CPD: variants seen among roughly 807,000 people sequenced by gnomAD.
The protein encoded by CPD is metallocarboxypeptidase D.
In CPD, 69 loss-of-function variants were observed where a neutral mutation model predicts 138.3. That is an observed-to-expected ratio of 0.50 (90% CI 0.41 to 0.61). The LOEUF is 0.61. Ranked by LOEUF, CPD falls within the 20% of genes least tolerant of loss-of-function variation. The pLI is 0.00. For synonymous variants in CPD, 651 were observed against 642.1 expected (o/e 1.01, Z -0.21); for missense variants, 1,432 against 1,733.3 (o/e 0.83, Z 3.09).
At chr17:30,424,192 G>A (rs1449120589) in intron 6 of CPD, among the ~76,000 whole-genome samples, 2 of 152,162 alleles carry the variant, frequency 1.3e-5, no homozygotes, top group East Asian at 3.8e-4. Context: ...GAAATCGGGC[G>A]AGGGTTGAAA....
intron 14 of CPD, among the ~76,000 whole-genome samples, chr17:30,453,764 A>G (rs770935137): frequency 2.0e-5 from 3 of 152,230 alleles, no homozygotes; most frequent in South Asian, 2.1e-4. Flanking sequence ...TGGACATCCA[A>G]GCTTTTCCAT....
intron 12 of CPD, among the ~76,000 whole-genome samples, chr17:30,447,933 A>C (rs1431808669): frequency 6.6e-6 from 1 of 152,150 alleles, no homozygotes; most frequent in African/African-American, 2.4e-5. Flanking sequence ...TTTTGCCTTG[A>C]GCATATAGTT....
chr17:30,402,245 T>C (rs576759611), intron 2 of CPD, among the ~76,000 whole-genome samples: 3 of 152,300 alleles, frequency 2.0e-5, no homozygotes, highest in African/African-American at 7.2e-5. Context: ...TTGGTATCTT[T>C]CTTTTACTTT....
In CPD at chr17:30,394,116, C is replaced by CTTT. The variant is rs35779169; in HGVS notation, c.994+8907_994+8909dup. ...TATGATTGCACCACTGCACTCCAGC[C>CTTT]TTTTTTTTTTTTTTTTTTTTTTTTT... On this transcript the variant is annotated intron_variant, in intron 2 of 20. Transcript: ENST00000225719. Among the ~76,000 whole-genome samples, 11 of 40,834 alleles carry CTTT rather than the reference C, an allele frequency of 2.7e-4. 2 individuals are homozygous for CTTT. Among genetic ancestry groups the CTTT allele is most frequent in the African/African-American group, 6.4e-4 (6 of 9,346 alleles). The allele number at this position is 40,834 out of a possible 152,430, so 26.8% of individuals were successfully genotyped here. A position where few individuals can be genotyped will look rare whatever the true frequency, so the allele number is the denominator to read the frequency against.
intron 1 of CPD, 96 bp from the exon 2 acceptor site, chr17:30,384,893 T>C (rs1911138848): frequency 2.2e-6 from 3 of 1,367,884 alleles, no homozygotes; most frequent in Middle Eastern, 2.2e-4. Context: ...AAGAGAGATA[T>C]TGGAGTTTAT....
At position 30,421,848 on chromosome 17, in the gene CPD, T is replaced by C; in HGVS notation, c.1307+15T>C. ...GTTTTAACTGGGTAAGAATTTAAAC[T>C]ATGTAGACTCTTAGTTAAAATGTCA... On this transcript the variant is annotated intron_variant, in intron 4 of 20. Transcript: ENST00000225719. 1.3e-6 allele frequency: 2 copies of C among 1,577,104 alleles called. No individual in the cohort carries two copies. The highest frequency in any genetic ancestry group is 8.7e-7 in the Non-Finnish European group (1 of 1,147,902).
intron 9 of CPD, among the ~76,000 whole-genome samples, chr17:30,441,992 G>A (rs942084838): frequency 6.6e-6 from 1 of 151,536 alleles, no homozygotes; most frequent in Non-Finnish European, 1.5e-5. Flanking sequence ...AATGGTACCA[G>A]TTCCTCCTTG....
intron 1 of CPD, among the ~76,000 whole-genome samples, chr17:30,383,425 G>T (rs1447907029): frequency 2.0e-5 from 3 of 152,292 alleles, no homozygotes; most frequent in African/African-American, 2.4e-5. Context: ...TTATATTACT[G>T]GTGAGCAACA....
At chr17:30,442,735 T>A (rs1388711828) in intron 10 of CPD, among the ~76,000 whole-genome samples, 2 of 152,162 alleles carry the variant, frequency 1.3e-5, no homozygotes, top group East Asian at 3.8e-4. Flanking sequence ...TTACCCGTGT[T>A]TAAAAAAGAC....
chr17:30,421,591 C>T (rs1250935779), intron 3 of CPD, 73 bp from the exon 4 acceptor site: 29 of 1,279,674 alleles, frequency 2.3e-5, no homozygotes, highest in Admixed American at 4.0e-5. Flanking sequence ...ATTCTAGTAT[C>T]GGTGCAGAGA....
chr17:30,387,538 A>G (rs558749841), intron 2 of CPD, among the ~76,000 whole-genome samples: 1 of 152,316 alleles, frequency 6.6e-6, no homozygotes, highest in East Asian at 1.9e-4. Flanking sequence ...TTATGCACAG[A>G]TGTAGATGTA....
Position 30,464,767 on chromosome 17 carries a change from G to A in CPD, c.4096G>A (p.Asp1366Asn), listed in dbSNP as rs779144998. 4.3e-5 allele frequency: 70 copies of A among 1,613,804 alleles called. No individual in the cohort carries two copies. Among genetic ancestry groups the A allele is most frequent in the Non-Finnish European group, 5.8e-5 (68 of 1,179,886 alleles). ...GTCCCTCCTAAGCCATGAGTTCCAG[G>A]ATGAAACAGACACTGAAGAGGAAAC... ...KKSLLSHEFQDETDTEEETLY... is the reference protein window; with the variant it reads ...KKSLLSHEFQNETDTEEETLY... The change falls in exon 21 of 21, where the codon GAT becomes AAT. Residue 1366 changes from aspartate (D) to asparagine (N), a missense_variant. This residue lies in a region of CPD where 366 missense variants were observed against 518.8 expected (regional missense o/e 0.71). Transcript: ENST00000225719.
chr17:30,414,402 C>T (rs993260874), intron 2 of CPD, among the ~76,000 whole-genome samples: 2 of 151,888 alleles, frequency 1.3e-5, no homozygotes, highest in Non-Finnish European at 2.9e-5. Flanking sequence ...GGTGAAACCC[C>T]GTCTCTACTA....
At chr17:30,415,179 A>C (rs1398941400) in intron 2 of CPD, among the ~76,000 whole-genome samples, 1 of 152,166 alleles carries the variant, frequency 6.6e-6, no homozygotes, top group Non-Finnish European at 1.5e-5. Flanking sequence ...TTCCTTCTAC[A>C]TCCAGACCCG....
intron 2 of CPD, among the ~76,000 whole-genome samples, chr17:30,414,507 C>T (rs960390522): frequency 2.6e-5 from 4 of 151,506 alleles, no homozygotes; most frequent in East Asian, 1.9e-4. Context: ...GGCATGAATC[C>T]GGGAGGCAGA....
Position 30,423,543 on chromosome 17 carries a change from A to C in CPD, c.1695A>C (p.Gly565=). 1 of 1,601,120 alleles carries C rather than the reference A, an allele frequency of 6.2e-7. No individual in the cohort carries two copies. Among genetic ancestry groups the C allele is most frequent in the East Asian group, 2.3e-5 (1 of 44,290 alleles). ...TTAAGTACATTGGAAATATGCATGG[A>C]AATGAAGTGGTTGGAAGAGAACTGC... ...PEFKYIGNMH[G]NEVVGRELLL... is the part of the protein sequence containing the mutation. The change falls in exon 6 of 21, where the codon GGA becomes GGC. Residue 565 remains glycine (G), a synonymous_variant. Transcript: ENST00000225719.
In CPD at chr17:30,465,190, C is replaced by G. The variant is rs1913603776; in HGVS notation, c.*376C>G. ...CTTTGTTTTAAATGGCCAAAAGAAT[C>G]CAGAAACATTAAGGCAGGGACAGCA... On this transcript the variant is annotated 3_prime_UTR_variant, in exon 21 of 21. Coordinates refer to ENST00000225719, the MANE Select transcript of CPD (RefSeq NM_001304.5). The G allele has an allele frequency of 1.1e-5, 2 of 183,454 alleles. No individual in the cohort carries two copies. The highest frequency in any genetic ancestry group is 2.3e-5 in the Non-Finnish European group (2 of 86,774). The allele number at this position is 183,454 out of a possible 1,614,324, so 11.4% of individuals were successfully genotyped here.
chr17:30,423,774 C>A, intron 6 of CPD, 77 bp downstream of exon 6: 3 of 1,160,430 alleles, frequency 2.6e-6, no homozygotes, highest in Non-Finnish European at 3.5e-6. Context: ...AGAATTTGAA[C>A]TGGTTCTTTT....
chr17:30,467,243 T>C lies in CPD; in HGVS notation c.*2429T>C, dbSNP rs1040398525. 3 of 152,738 alleles carry C rather than the reference T, an allele frequency of 2.0e-5. No individual in the cohort carries two copies. Among genetic ancestry groups the C allele is most frequent in the Non-Finnish European group, 4.4e-5 (3 of 67,998 alleles). The allele number at this position is 152,738 out of a possible 1,614,324, so 9.5% of individuals were successfully genotyped here. A position where few individuals can be genotyped will look rare whatever the true frequency, so the allele number is the denominator to read the frequency against. ...AAGAAATTTGCCTAAATCTGAGTTG[T>C]GCCTTTCTTTACTCACAAGGCATGG... On this transcript the variant is annotated 3_prime_UTR_variant, in exon 21 of 21. Coordinates refer to ENST00000225719, the MANE Select transcript of CPD (RefSeq NM_001304.5).
Sources: gnomAD v4.1 joint callset for allele counts (sites outside exome capture counted in the v4.1 genomes callset) on GRCh38, gnomAD v4.1.1 for gene constraint, gnomAD v4.1.1 regional missense constraint, MANE v1.5 for transcripts, NCBI Gene and HGNC (gene_info 2026-07-23, HGNC 2026-07-21) for gene names.